Variants in CERS3 observed in about 807,000 individuals in gnomAD.
CERS3 encodes LAG1 homolog, ceramide synthase 3.
Under a neutral mutation model 50.3 loss-of-function variants are expected in CERS3, and 33 were observed. The observed-to-expected ratio is 0.66, with a 90% CI of 0.50 to 0.88. The LOEUF (loss-of-function observed/expected upper bound fraction) is 0.88. CERS3 is among the 40% of genes least tolerant of loss of function. CERS3 has a pLI of 0.00. For synonymous variants in CERS3, 176 were observed against 155.2 expected (o/e 1.13, Z -0.99); for missense variants, 470 against 460.3 (o/e 1.02, Z -0.19).
chr15:100,410,411 G>C (rs1343045031), intron 11 of CERS3, among the ~76,000 whole-genome samples: 1 of 152,148 alleles, frequency 6.6e-6, no homozygotes, highest in Non-Finnish European at 1.5e-5. Flanking sequence ...GGGAGACCTC[G>C]TTTAGTTTGA....
intron 11 of CERS3, among the ~76,000 whole-genome samples, chr15:100,403,695 C>A (rs1044750643): frequency 6.6e-6 from 1 of 152,100 alleles, no homozygotes; most frequent in Non-Finnish European, 1.5e-5. Flanking sequence ...TTGCCCCAGC[C>A]GAAACAGGTA....
intron 11 of CERS3, among the ~76,000 whole-genome samples, chr15:100,441,199 C>T (rs140857680): frequency 0.018 from 2,765 of 151,280 alleles, 30 homozygotes; most frequent in Admixed American, 0.029. Flanking sequence ...CTTATCTCTG[C>T]GCCCTGATCC....
chr15:100,507,232 A>G (rs2036211463), intron 2 of CERS3, among the ~76,000 whole-genome samples: 1 of 152,234 alleles, frequency 6.6e-6, no homozygotes, highest in South Asian at 2.1e-4. Context: ...TTTAAAAAGC[A>G]AAATTGAACT....
At chr15:100,543,612 C>A (rs1244882320) in intron 1 of CERS3, among the ~76,000 whole-genome samples, 1 of 151,658 alleles carries the variant, frequency 6.6e-6, no homozygotes, top group Non-Finnish European at 1.5e-5. Context: ...TCACTGTCAC[C>A]TCTGCCTCCT....
intron 11 of CERS3, among the ~76,000 whole-genome samples, chr15:100,436,855 TATC>T (rs2033433785): frequency 6.6e-6 from 1 of 152,010 alleles, no homozygotes; most frequent in South Asian, 2.1e-4. Context: ...GACACGCTGT[TATC>T]ATCAGCAACA....
upstream of CERS3, among the ~76,000 whole-genome samples, chr15:100,529,954 G>A (rs1248355068): frequency 6.6e-6 from 1 of 152,190 alleles, no homozygotes; most frequent in Non-Finnish European, 1.5e-5. Flanking sequence ...AAGCTCCAAA[G>A]TTTCTCAGAT....
chr15:100,468,330 G>A (rs1039236284), intron 10 of CERS3, among the ~76,000 whole-genome samples: 13 of 152,136 alleles, frequency 8.5e-5, no homozygotes, highest in African/African-American at 3.1e-4. Context: ...CACAAAGGTC[G>A]TAAGTGTGGA....
chr15:100,495,718 C>T (rs141298135), intron 3 of CERS3, among the ~76,000 whole-genome samples: 3 of 152,122 alleles, frequency 2.0e-5, no homozygotes, highest in Non-Finnish European at 2.9e-5. Context: ...TAATTTCTCC[C>T]AGTCTGTGGC....
At chr15:100,539,913 C>A (rs62037091) in intron 1 of CERS3, among the ~76,000 whole-genome samples, 2 of 152,036 alleles carry the variant, frequency 1.3e-5, no homozygotes, top group South Asian at 4.1e-4. Context: ...GTTTCCCTTC[C>A]CTTTCTGGTC....
chr15:100,436,824 C>T (rs2033431456), intron 11 of CERS3, among the ~76,000 whole-genome samples: 1 of 151,964 alleles, frequency 6.6e-6, no homozygotes. Context: ...GGTCAGTTTG[C>T]CTAAAATTAA....
At chr15:100,526,916 T>C (rs150455737) in intron 1 of CERS3, among the ~76,000 whole-genome samples, 104 of 152,304 alleles carry the variant, frequency 6.8e-4, no homozygotes, top group Admixed American at 1.4e-3. Context: ...TGACATACCC[T>C]GCCTTTTTAT....
chr15:100,498,624 C>A (rs2035903635), intron 3 of CERS3, among the ~76,000 whole-genome samples: 1 of 152,182 alleles, frequency 6.6e-6, no homozygotes, highest in South Asian at 2.1e-4. Flanking sequence ...TCAGACAAAC[C>A]CATTCAGACA....
At chr15:100,502,413 T>A (rs1252647781) in intron 2 of CERS3, among the ~76,000 whole-genome samples, 1 of 152,168 alleles carries the variant, frequency 6.6e-6, no homozygotes, top group Non-Finnish European at 1.5e-5. Context: ...GTTTAACACA[T>A]CACTATTCAC....
rs554857280 is a variant in CERS3, at chr15:100,513,414, G to A, written c.-2+8253C>T. The stretch of plus-strand genomic sequence containing the variant: ...AGATGCTTGCAGGAGGGCCCGGGGC[G>A]GTTGGACCCCTGCCTACTTTTCCAG... On this transcript the variant is annotated intron_variant, in intron 2 of 11. Coordinates refer to ENST00000679737, the MANE Select transcript of CERS3 (RefSeq NM_001378789.1). Among the ~76,000 whole-genome samples, 6 of 152,220 alleles carry A rather than the reference G, an allele frequency of 3.9e-5. No homozygotes were observed. In the East Asian group the frequency reaches 5.8e-4, roughly 15 times the overall value.
At chr15:100,486,973 G>C (rs190245330) in intron 4 of CERS3, among the ~76,000 whole-genome samples, 173 of 152,212 alleles carry the variant, frequency 1.1e-3, no homozygotes, top group African/African-American at 4.0e-3. Context: ...TTTATGAGTC[G>C]AAGCTTTTTT....
chr15:100,522,047 T>C (rs2036655967), intron 1 of CERS3, among the ~76,000 whole-genome samples: 1 of 152,192 alleles, frequency 6.6e-6, no homozygotes, highest in Non-Finnish European at 1.5e-5. Flanking sequence ...GAACACACGC[T>C]TACCAACCTG....
At chr15:100,514,031 A>G (rs2036426824) in intron 2 of CERS3, among the ~76,000 whole-genome samples, 3 of 152,194 alleles carry the variant, frequency 2.0e-5, no homozygotes, top group African/African-American at 7.2e-5. Context: ...GGTCAAGCAC[A>G]TGGACTTTGG....
At chr15:100,530,123 A>T (rs73475792), upstream of CERS3, among the ~76,000 whole-genome samples, 1,299 of 152,320 alleles carry the variant, frequency 8.5e-3, 22 homozygotes, top group African/African-American at 0.029. Context: ...GGCAGAAGGG[A>T]TGAATTTAAA....
intron 2 of CERS3, among the ~76,000 whole-genome samples, chr15:100,504,578 A>G (rs1412347308): frequency 6.6e-6 from 1 of 152,128 alleles, no homozygotes; most frequent in East Asian, 1.9e-4. Context: ...TTCTACCCTG[A>G]GAGGGAGGAG....
Sources: gnomAD v4.1 joint callset for allele counts (sites outside exome capture counted in the v4.1 genomes callset) on GRCh38, gnomAD v4.1.1 for gene constraint, MANE v1.5 for transcripts, NCBI Gene and HGNC (gene_info 2026-07-23, HGNC 2026-07-21) for gene names.